The following GIMAP1 variants were observed in gnomAD, a reference collection of about 807,000 sequenced individuals.
GIMAP1 encodes the protein GTPase IMAP family member 1.
For missense variants in GIMAP1, 423 were observed against 411.9 expected, an observed-to-expected ratio of 1.03 and a Z score of -0.23; for synonymous variants, 230 against 187.7, an observed-to-expected ratio of 1.23 and a Z score of -1.84.
intron 1 of GIMAP1, 109 bp from the exon 2 acceptor site, chr7:150,718,933 G>C: frequency 6.9e-7 from 1 of 1,442,964 alleles, no homozygotes; most frequent in Non-Finnish European, 9.7e-7. Flanking sequence ...GCTGTCACCA[G>C]CTCTTTGGAC....
chr7:150,719,383 C>T (rs1661724871), intron 2 of GIMAP1: 1 of 365,660 alleles, frequency 2.7e-6, no homozygotes, highest in African/African-American at 2.1e-5. Flanking sequence ...CTACAGTGAA[C>T]ATGATTTGTG....
chr7:150,717,088 G>T lies in GIMAP1; in HGVS notation c.-7+398G>T, dbSNP rs115202968. ...GCCCCATAAGCCATCTAACCTCGGA[G>T]TGAGTTACGACGTGACAAGACTGGG... On this transcript the variant is annotated intron_variant, in intron 1 of 2. Transcript: ENST00000307194. Among the ~76,000 whole-genome samples, 964 of 152,294 alleles carry T rather than the reference G, an allele frequency of 6.3e-3. 10 individuals are homozygous for T. The highest frequency in any genetic ancestry group is 0.022 in the African/African-American group (927 of 41,556).
At chr7:150,719,917 G>C (rs1409605836) in intron 2 of GIMAP1, 131 bp from the exon 3 acceptor site, 4 of 1,268,012 alleles carry the variant, frequency 3.2e-6, no homozygotes, top group African/African-American at 1.5e-5. Flanking sequence ...AATACAAAAG[G>C]AAAAGGTGGA....
At position 150,720,295 on chromosome 7, in the gene GIMAP1, C is replaced by G. The variant is rs770167881; in HGVS notation, c.291C>G (p.Gly97=). The G allele has an allele frequency of 6.2e-7, 1 of 1,614,228 alleles. No individual in the cohort carries two copies. Among genetic ancestry groups the G allele is most frequent in the Non-Finnish European group, 8.5e-7 (1 of 1,180,036 alleles). Residue 97 remains glycine, a synonymous_variant, in exon 3 of 3, where the codon GGC becomes GGG. Transcript: ENST00000307194. The surrounding 1 kb of genome is among the most constrained non-coding windows in gnomAD (Gnocchi z 4.5). ...FSSQVSKTDP[G]CEERGHCYLL... ...CCCAAGTGTCCAAGACAGATCCTGG[C>G]TGTGAGGAGAGAGGTCACTGCTACC... is the stretch of plus-strand genomic sequence containing the variant.
rs773646682 is a variant in GIMAP1 at position 150,720,002 on chromosome 7, G to T, written c.44-46G>T. ...GGCAAGAAGATTCCAGTTCCCAAGG[G>T]GAAGTTGGTTAAACTTAAGTAAGAT... is the stretch of plus-strand genomic sequence containing the variant. On this transcript the variant is annotated intron_variant, in intron 2 of 2. Coordinates refer to ENST00000307194, the MANE Select transcript of GIMAP1 (RefSeq NM_130759.4). The surrounding 1 kb of genome is among the most constrained non-coding windows in gnomAD (Gnocchi z 4.5). 4 of 1,506,716 alleles carry T rather than the reference G, an allele frequency of 2.7e-6. No homozygotes were observed. In the East Asian group the frequency reaches 6.9e-5, roughly 26 times the overall value. 93.3% of individuals were successfully genotyped at this position (1,506,716 alleles called of 1,614,324 possible).
chr7:150,720,186 C>G lies in GIMAP1; in HGVS notation c.182C>G (p.Ser61Cys). Residue 61 changes from serine (S) to cysteine (C), a missense_variant, in exon 3 of 3, where the codon TCT becomes TGT. Ser to Cys is a moderately radical substitution (Grantham distance 112). Transcript: ENST00000307194. This position sits in a 1 kb window ranked among gnomAD's most constrained non-coding sequence, Gnocchi z 4.5. ...RRFFSRLGAT[S>C]VTRACTTGSR... Reference sequence around the variant, plus strand: ...TTCTTCTCCAGGCTGGGGGCCACGTCTGTGACCAGGGCCTGCACCACGGGC... The same window carrying G: ...TTCTTCTCCAGGCTGGGGGCCACGTGTGTGACCAGGGCCTGCACCACGGGC... The G allele has an allele frequency of 6.2e-7, 1 of 1,614,144 alleles. No individual in the cohort carries two copies. The highest frequency in any genetic ancestry group is 8.5e-7 in the Non-Finnish European group (1 of 1,180,036).
chr7:150,719,837 A>G (rs1797269724), intron 2 of GIMAP1, among the ~76,000 whole-genome samples: 1 of 152,254 alleles, frequency 6.6e-6, no homozygotes, highest in South Asian at 2.1e-4. Context: ...ATTGGGCTGG[A>G]CTGATAAAGA....
rs1797279408 is a variant in GIMAP1, at chr7:150,720,358, G to A, written c.354G>A (p.Val118=). 1.2e-6 allele frequency: 2 copies of A among 1,610,372 alleles called. No individual in the cohort carries two copies. The highest frequency in any genetic ancestry group is 8.5e-7 in the Non-Finnish European group (1 of 1,177,742). Reference sequence around the variant, plus strand: ...CCGGACCCCACGCGCTGCTCCTGGTGACCCAGTTGGGTCGGTTCACCGCCC... The same window carrying A: ...CCGGACCCCACGCGCTGCTCCTGGTAACCCAGTTGGGTCGGTTCACCGCCC... ...SAPGPHALLL[V]TQLGRFTAQD... Residue 118 remains valine (V), a synonymous_variant, in exon 3 of 3, where the codon GTG becomes GTA. Transcript: ENST00000307194. The surrounding 1 kb of genome is among the most constrained non-coding windows in gnomAD (Gnocchi z 4.5).
Position 150,719,058 on chromosome 7 carries a change from G to A in GIMAP1, c.11G>A (p.Arg4Lys), listed in dbSNP as rs746747085. The part of the protein sequence containing the change: MGG[R>K]KMATDEENVY... ...CTCTTCCAGGTAAGCATGGGAGGAA[G>A]GAAGATGGCGACAGATGAAGAAAAT... is the stretch of plus-strand genomic sequence containing the variant. Residue 4 changes from arginine (R) to lysine (K), a missense_variant, in exon 2 of 3, where the codon AGG becomes AAG. Arg to Lys is a conservative substitution (Grantham distance 26). Coordinates refer to ENST00000307194, the MANE Select transcript of GIMAP1 (RefSeq NM_130759.4). 1 of 1,614,174 alleles carries A rather than the reference G, an allele frequency of 6.2e-7. No individual in the cohort carries two copies. Among genetic ancestry groups the A allele is most frequent in the South Asian group, 1.1e-5 (1 of 91,078 alleles).
At position 150,720,617 on chromosome 7, in the gene GIMAP1, C is replaced by T. The variant is rs747379712; in HGVS notation, c.613C>T (p.Leu205=). 3.7e-6 allele frequency: 6 copies of T among 1,613,602 alleles called. No homozygotes were observed. The highest frequency in any genetic ancestry group is 1.1e-5 in the South Asian group (1 of 91,042). ...GCAGGAAGCCCAGGTGGAGCAGCTG[C>T]TGGGGATGGTCGAGGGCTTGGTGCT... ...REQEAQVEQL[L]GMVEGLVLEH... is the part of the protein sequence containing the mutation. The change falls in exon 3 of 3, where the codon CTG becomes TTG. Residue 205 remains leucine (L), a synonymous_variant. Coordinates refer to ENST00000307194, the MANE Select transcript of GIMAP1 (RefSeq NM_130759.4). The surrounding 1 kb of genome is among the most constrained non-coding windows in gnomAD (Gnocchi z 4.5).
In GIMAP1 at chr7:150,720,063, C is replaced by T. The variant is rs769499729; in HGVS notation, c.59C>T (p.Ala20Val). ...EENVYGLEEN[A>V]QSRQESTRRL... ...GGTCTCACAGGTTTAGAAGAGAACGCTCAGTCCCGGCAGGAGTCCACGCGG... is the reference window on the plus strand; with the variant it reads ...GGTCTCACAGGTTTAGAAGAGAACGTTCAGTCCCGGCAGGAGTCCACGCGG... Residue 20 changes from alanine to valine, a missense_variant, in exon 3 of 3, where the codon GCT becomes GTT. Transcript: ENST00000307194. This position sits in a 1 kb window ranked among gnomAD's most constrained non-coding sequence, Gnocchi z 4.5. 1.6e-5 allele frequency: 25 copies of T among 1,600,278 alleles called. No individual in the cohort carries two copies. Among genetic ancestry groups the T allele is most frequent in the Non-Finnish European group, 2.0e-5 (24 of 1,172,150 alleles).
chr7:150,720,789 C>T lies in GIMAP1; in HGVS notation c.785C>T (p.Ala262Val), dbSNP rs1199808162. The T allele has an allele frequency of 6.3e-7, 1 of 1,582,586 alleles. No homozygotes were observed. Among genetic ancestry groups the T allele is most frequent in the Admixed American group, 1.8e-5 (1 of 55,074 alleles). ...AGGCCATGGGGCGCCTGGCTGTCGG[C>T]CCGGCTGTGGAAGTGGCTGAAGTCC... ...QRRPWGAWLS[A>V]RLWKWLKSPR... Residue 262 changes from alanine to valine, a missense_variant, in exon 3 of 3, where the codon GCC becomes GTC. Ala to Val is a moderately conservative substitution (Grantham distance 64, BLOSUM62 0). Coordinates refer to ENST00000307194, the MANE Select transcript of GIMAP1 (RefSeq NM_130759.4). This position sits in a 1 kb window ranked among gnomAD's most constrained non-coding sequence, Gnocchi z 4.5.
intron 1 of GIMAP1, 36 bp from the exon 2 acceptor site, chr7:150,719,006 A>C (rs754383095): frequency 5.3e-5 from 86 of 1,613,606 alleles, no homozygotes; most frequent in Non-Finnish European, 1.1e-5. Context: ...AGGAATAAAT[A>C]AATGAATTAA....
rs1797344633 is a variant in GIMAP1, at chr7:150,723,993, T to G, written c.*3068T>G. ...CATGATGAACTTTTAGAGCAAAAGA[T>G]TTCAGGCAGAGTACATTCTTACATA... On this transcript the variant is annotated 3_prime_UTR_variant, in exon 3 of 3. Transcript: ENST00000307194. 1 of 152,190 alleles carries G rather than the reference T, an allele frequency of 6.6e-6. No individual in the cohort carries two copies. Among genetic ancestry groups the G allele is most frequent in the Non-Finnish European group, 1.5e-5 (1 of 68,038 alleles). The allele number at this position is 152,190 out of a possible 1,614,324, so 9.4% of individuals were successfully genotyped here.
In GIMAP1 at chr7:150,720,101, G is replaced by T; in HGVS notation, c.97G>T (p.Val33Phe). 6 of 1,613,734 alleles carry T rather than the reference G, an allele frequency of 3.7e-6. No homozygotes were observed. Among genetic ancestry groups the T allele is most frequent in the Non-Finnish European group, 5.1e-6 (6 of 1,179,982 alleles). Residue 33 changes from valine (V) to phenylalanine (F), a missense_variant, in exon 3 of 3, where the codon GTT (valine) becomes TTT (phenylalanine). Transcript: ENST00000307194. This position sits in a 1 kb window ranked among gnomAD's most constrained non-coding sequence, Gnocchi z 4.5. Reference sequence around the variant, plus strand: ...GGAGTCCACGCGGAGGCTCATCCTTGTTGGGAGAACAGGGGCCGGGAAGAG... The same window carrying T: ...GGAGTCCACGCGGAGGCTCATCCTTTTTGGGAGAACAGGGGCCGGGAAGAG... ...RQESTRRLIL[V>F]GRTGAGKSAT... is the part of the protein sequence containing the mutation.
In GIMAP1 at chr7:150,722,897, G is replaced by C. The variant is rs1797328723; in HGVS notation, c.*1972G>C. 6.6e-6 allele frequency: 1 copy of C among 152,244 alleles called. No homozygotes were observed. Among genetic ancestry groups the C allele is most frequent in the African/African-American group, 2.4e-5 (1 of 41,456 alleles). 9.4% of individuals were successfully genotyped at this position (152,244 alleles called of 1,614,324 possible). ...GCTGTTGCCTTAGCAATGGTAACCT[G>C]ACGTGGCACTGGTGAGTGTGTTTTA... On this transcript the variant is annotated 3_prime_UTR_variant, in exon 3 of 3. Transcript: ENST00000307194.
Position 150,720,589 on chromosome 7 carries a change from G to A in GIMAP1, c.585G>A (p.Arg195=), listed in dbSNP as rs4725358. The part of the protein sequence containing the change: ...VCAFDNRATG[R]EQEAQVEQLL... The stretch of plus-strand genomic sequence containing the variant: ...CCTTTGATAACCGGGCCACCGGCCG[G>A]GAGCAGGAAGCCCAGGTGGAGCAGC... Residue 195 remains arginine (R), a synonymous_variant, in exon 3 of 3, where the codon CGG becomes CGA. Coordinates refer to ENST00000307194, the MANE Select transcript of GIMAP1 (RefSeq NM_130759.4). The surrounding 1 kb of genome is among the most constrained non-coding windows in gnomAD (Gnocchi z 4.5). 167,893 of 1,613,706 alleles carry A rather than the reference G, an allele frequency of 0.1. 9,419 individuals carry two copies. The highest frequency in any genetic ancestry group is 0.17 in the Admixed American group (10,060 of 59,962).
rs1797332143 is a variant in GIMAP1, at chr7:150,723,158, C to T, written c.*2233C>T. On this transcript the variant is annotated 3_prime_UTR_variant, in exon 3 of 3. Transcript: ENST00000307194. Reference sequence around the variant, plus strand: ...GTATTATTAAAGAAGTTACAGTTTTCCTTTACATTCAATAACATTTCTTTA... The same window carrying T: ...GTATTATTAAAGAAGTTACAGTTTTTCTTTACATTCAATAACATTTCTTTA... 1 of 152,148 alleles carries T rather than the reference C, an allele frequency of 6.6e-6. No homozygotes were observed. The highest frequency in any genetic ancestry group is 1.5e-5 in the Non-Finnish European group (1 of 68,034). The allele number at this position is 152,148 out of a possible 1,614,324, so 9.4% of individuals were successfully genotyped here. A position where few individuals can be genotyped will look rare whatever the true frequency, so the allele number is the denominator to read the frequency against.
chr7:150,717,116 CATTTG>C (rs1475080653), intron 1 of GIMAP1, among the ~76,000 whole-genome samples: 4 of 152,152 alleles, frequency 2.6e-5, no homozygotes, highest in Non-Finnish European at 5.9e-5. Flanking sequence ...AGACTGGGTA[CATTTG>C]AACTCTCCTC....
Sources: allele counts gnomAD v4.1 joint callset (sites outside exome capture counted in the v4.1 genomes callset), GRCh38; gene constraint gnomAD v4.1.1; non-coding constraint Gnocchi (gnomAD v3.1); transcripts MANE v1.5; gene names NCBI Gene and HGNC (gene_info 2026-07-23, HGNC 2026-07-21).